AAK1: variants seen among roughly 807,000 people sequenced by gnomAD.
AAK1 encodes AP2-associated protein kinase 1.
A neutral mutation model predicts 116.0 loss-of-function variants in AAK1; 37 were observed. That is an observed-to-expected ratio of 0.32 (90% CI 0.25 to 0.42). The LOEUF (loss-of-function observed/expected upper bound fraction) is 0.42. Ranked by LOEUF, AAK1 falls within the 10% of genes least tolerant of loss-of-function variation. The pLI is 1.00. For missense variants in AAK1, 919 were observed against 1,170.6 expected (o/e 0.79, Z 3.14); for synonymous variants, 458 against 439.9 (o/e 1.04, Z -0.51).
chr2:69,567,644 T>C (rs1160238627), intron 2 of AAK1, among the ~76,000 whole-genome samples: 3 of 152,144 alleles, frequency 2.0e-5, no homozygotes, highest in African/African-American at 7.2e-5. Flanking sequence ...GAGTCTAGTA[T>C]GGACTAGAAG....
chr2:69,528,600 T>G (rs1670116479), intron 8 of AAK1, among the ~76,000 whole-genome samples: 1 of 152,194 alleles, frequency 6.6e-6, no homozygotes, highest in African/African-American at 2.4e-5. Flanking sequence ...CAGGCTTCAA[T>G]GGTGATACCA....
chr2:69,520,089 A>G (rs1435608035), intron 11 of AAK1: 7 of 229,896 alleles, frequency 3.0e-5, no homozygotes, highest in Non-Finnish European at 5.5e-5. Context: ...TTTCTACCCA[A>G]TCATCTCCCC....
intron 17 of AAK1, among the ~76,000 whole-genome samples, chr2:69,491,451 T>G (rs1319135011): frequency 2.0e-5 from 3 of 152,164 alleles, no homozygotes; most frequent in Non-Finnish European, 4.4e-5. Flanking sequence ...AAAATTTGTT[T>G]TATAGTGCTT....
At position 69,628,562 on chromosome 2, in the gene AAK1, C is replaced by T. The variant is rs554790838; in HGVS notation, c.163+14316G>A. 1.2e-3 allele frequency among the ~76,000 whole-genome samples: 179 copies of T among 152,162 alleles called. 1 individual carries two copies. Among genetic ancestry groups the T allele is most frequent in the African/African-American group, 4.2e-3 (173 of 41,474 alleles). ...GTTCATTTGTGTTCTGTGAGCTAACCCTAGAAGCAGGATTTGATGGTAGAC... is the reference window on the plus strand; with the variant it reads ...GTTCATTTGTGTTCTGTGAGCTAACTCTAGAAGCAGGATTTGATGGTAGAC... On this transcript the variant is annotated intron_variant, in intron 2 of 21. Coordinates refer to ENST00000409085, the MANE Select transcript of AAK1 (RefSeq NM_014911.5).
intron 16 of AAK1, among the ~76,000 whole-genome samples, chr2:69,498,045 CT>C (rs1202867353): frequency 8.0e-6 from 1 of 124,970 alleles, no homozygotes; most frequent in African/African-American, 2.9e-5. Context: ...CCACTCATGT[CT>C]CTCTGCCTCT....
intron 2 of AAK1, among the ~76,000 whole-genome samples, chr2:69,601,727 T>C (rs540347792): frequency 1.7e-4 from 26 of 152,358 alleles, no homozygotes; most frequent in South Asian, 1.7e-3. Flanking sequence ...TCACTTTCTC[T>C]TGGCTTCATT....
intron 2 of AAK1, among the ~76,000 whole-genome samples, chr2:69,623,537 G>A (rs1674760703): frequency 6.6e-6 from 1 of 152,154 alleles, no homozygotes; most frequent in Non-Finnish European, 1.5e-5. Flanking sequence ...CTGAATGGAG[G>A]GCTGGGTGCT....
rs775171741 is a variant in AAK1 at position 69,509,223 on chromosome 2, C to T, written c.2006+8G>A. On this transcript the variant is annotated splice_region_variant and intron_variant, in intron 14 of 21. Coordinates refer to ENST00000409085, the MANE Select transcript of AAK1 (RefSeq NM_014911.5). The stretch of plus-strand genomic sequence containing the variant: ...AGGTAAGAACAACAAAGAGGAAGCA[C>T]CACATACTTGGACTTATTGAGACTG... 1 of 1,613,332 alleles carries T rather than the reference C, an allele frequency of 6.2e-7. No homozygotes were observed. Among genetic ancestry groups the T allele is most frequent in the Non-Finnish European group, 8.5e-7 (1 of 1,179,356 alleles).
intron 2 of AAK1, among the ~76,000 whole-genome samples, chr2:69,638,784 C>T (rs992999119): frequency 1.3e-5 from 2 of 152,160 alleles, no homozygotes; most frequent in African/African-American, 2.4e-5. Flanking sequence ...CCTATGAACT[C>T]TCACCCCCAG....
intron 17 of AAK1, among the ~76,000 whole-genome samples, chr2:69,487,823 CTT>C (rs1328013988): frequency 2.2e-5 from 3 of 134,398 alleles, no homozygotes; most frequent in Non-Finnish European, 4.7e-5. Flanking sequence ...GAGTTTCACT[CTT>C]GTTGCCCAGG....
chr2:69,582,512 T>C (rs1030270724), intron 2 of AAK1, among the ~76,000 whole-genome samples: 5 of 152,184 alleles, frequency 3.3e-5, no homozygotes, highest in Non-Finnish European at 7.3e-5. Context: ...GCTGGCTCTT[T>C]TGGTCTGGGG....
At position 69,519,207 on chromosome 2, in the gene AAK1, A is replaced by G. The variant is rs1447989805; in HGVS notation, c.1244T>C (p.Val415Ala). The change falls in exon 12 of 22, where the codon GTT becomes GCT. Residue 415 changes from valine to alanine, a missense_variant. Val to Ala is a moderately conservative substitution (Grantham distance 64). Transcript: ENST00000409085. The stretch of plus-strand genomic sequence containing the variant: ...TGGGGCTTGGGGTTTTGGTTGGGGA[A>G]CACTGGCTAAAAGGCCAGGCTGATT... ...SSNQPGLLAS[V>A]PQPKPQAPPS... 1.5e-5 allele frequency: 24 copies of G among 1,588,138 alleles called. No homozygotes were observed. Among genetic ancestry groups the G allele is most frequent in the Non-Finnish European group, 2.0e-5 (23 of 1,167,426 alleles).
At chr2:69,514,315 C>A (rs559517674) in intron 13 of AAK1, among the ~76,000 whole-genome samples, 156 bp downstream of exon 13, 48 of 152,356 alleles carry the variant, frequency 3.2e-4, no homozygotes, top group Non-Finnish European at 1.9e-4. Flanking sequence ...CCATACTATT[C>A]TTGGATATAT....
chr2:69,601,741 G>C (rs1354761178), intron 2 of AAK1, among the ~76,000 whole-genome samples: 1 of 152,110 alleles, frequency 6.6e-6, no homozygotes, highest in African/African-American at 2.4e-5. Flanking sequence ...CTTCATTTTA[G>C]CTCCAAGGGG....
chr2:69,521,014 A>G (rs1477958283), intron 10 of AAK1, 26 bp from the exon 11 acceptor site: 1 of 1,613,136 alleles, frequency 6.2e-7, no homozygotes, highest in Non-Finnish European at 8.5e-7. Context: ...AGAAAGGTTC[A>G]TATTAAAGTA....
rs922483935 is a variant in AAK1 at position 69,459,709 on chromosome 2, G to C, written c.*16160C>G. 1 of 152,188 alleles carries C rather than the reference G, an allele frequency of 6.6e-6. No homozygotes were observed. The highest frequency in any genetic ancestry group is 2.4e-5 in the African/African-American group (1 of 41,438). The allele number at this position is 152,188 out of a possible 1,614,324, so 9.4% of individuals were successfully genotyped here. On this transcript the variant is annotated 3_prime_UTR_variant, in exon 22 of 22. Transcript: ENST00000409085. ...GCACTTATTGACATGCTCAAAATAG[G>C]GGAATGTTAAGTAAGGAAATGAAGT...
At chr2:69,610,838 T>C (rs1244278778) in intron 2 of AAK1, among the ~76,000 whole-genome samples, 1 of 152,194 alleles carries the variant, frequency 6.6e-6, no homozygotes, top group African/African-American at 2.4e-5. Flanking sequence ...CCCACTAGGA[T>C]AGCTATTACT....
intron 2 of AAK1, among the ~76,000 whole-genome samples, chr2:69,589,732 AAG>A (rs1672951166): frequency 6.6e-6 from 1 of 151,334 alleles, no homozygotes; most frequent in South Asian, 2.1e-4. Flanking sequence ...AAAAAAAAGA[AAG>A]AAAGAAAGTA....
At position 69,473,825 on chromosome 2, in the gene AAK1, T is replaced by C. The variant is rs1184606920; in HGVS notation, c.*2044A>G. On this transcript the variant is annotated 3_prime_UTR_variant, in exon 22 of 22. Transcript: ENST00000409085. ...TTCATTAATTTATACATTCTTTCTA[T>C]GTCCAGGAAAGAGAATACAATTCTG... 2 of 985,688 alleles carry C rather than the reference T, an allele frequency of 2.0e-6. No homozygotes were observed. The highest frequency in any genetic ancestry group is 2.4e-6 in the Non-Finnish European group (2 of 829,872). 61.1% of individuals were successfully genotyped at this position (985,688 alleles called of 1,614,324 possible).
Sources: gnomAD v4.1 joint callset for allele counts (sites outside exome capture counted in the v4.1 genomes callset) on GRCh38, gnomAD v4.1.1 for gene constraint, MANE v1.5 for transcripts, NCBI Gene and HGNC (gene_info 2026-07-23, HGNC 2026-07-21) for gene names.